Variants in HPS4 observed in about 807,000 individuals in gnomAD.
HPS4 encodes HPS4 biogenesis of lysosomal organelles complex 3 subunit 2, also known as BLOC-3 complex member HPS4.
HPS4 carries 44 observed loss-of-function variants against 70.3 expected under a neutral mutation model. The ratio of observed to expected loss-of-function variants is 0.63; its 90% CI spans 0.49 to 0.80. The LOEUF (loss-of-function observed/expected upper bound fraction) is 0.80, where lower values mean the gene tolerates loss of function less well. Ranked by LOEUF, HPS4 falls within the 30% of genes least tolerant of loss-of-function variation. The probability of loss-of-function intolerance (pLI) is 0.00; values close to 1 mark genes in which losing one functional copy is unlikely to be tolerated. For synonymous variants in HPS4, 377 were observed against 355.9 expected (o/e 1.06, Z -0.67); for missense variants, 873 against 884.4 (o/e 0.99, Z 0.16).
At chr22:26,462,743 G>A (rs969107857) in intron 11 of HPS4, among the ~76,000 whole-genome samples, 5 of 152,156 alleles carry the variant, frequency 3.3e-5, no homozygotes, top group Non-Finnish European at 7.3e-5. Context: ...GGGAGATGAG[G>A]CATTTAACAC....
chr22:26,451,174 A>T lies in HPS4; in HGVS notation c.*2059T>A, dbSNP rs2085157973. On this transcript the variant is annotated 3_prime_UTR_variant, in exon 14 of 14. Transcript: ENST00000398145. ...ATGGCCATAAGAGGTTGTGGTGCCC[A>T]TTCCAGCAAGAACATGCTGCTTGGC... 6.6e-6 allele frequency among the ~76,000 whole-genome samples: 1 copy of T among 152,190 alleles called. No homozygotes were observed. The highest frequency in any genetic ancestry group is 1.5e-5 in the Non-Finnish European group (1 of 68,042).
chr22:26,458,628 T>G (rs2146382185), intron 11 of HPS4, 51 bp from the exon 12 acceptor site: 2 of 1,608,282 alleles, frequency 1.2e-6, no homozygotes, highest in South Asian at 2.2e-5. Flanking sequence ...TCAGCAAGCC[T>G]TCTGAGGGCT....
intron 3 of HPS4, 117 bp from the exon 4 acceptor site, chr22:26,477,253 G>T: frequency 9.9e-7 from 1 of 1,014,772 alleles, no homozygotes; most frequent in Non-Finnish European, 1.5e-6. Flanking sequence ...TTTTCCTATG[G>T]CCTGTAAGCT....
rs943975254 is a variant in HPS4 at position 26,452,360 on chromosome 22, G to C, written c.*873C>G. On this transcript the variant is annotated 3_prime_UTR_variant, in exon 14 of 14. Transcript: ENST00000398145. ...AGGTTCTAAGTACCACACAAGCCCA[G>C]GAACACACAGCTGAGTGTCGCTCCC... 8 of 456,562 alleles carry C rather than the reference G, an allele frequency of 1.8e-5. No homozygotes were observed. Among genetic ancestry groups the C allele is most frequent in the Admixed American group, 9.4e-5 (4 of 42,508 alleles). The allele number at this position is 456,562 out of a possible 1,614,324, so 28.3% of individuals were successfully genotyped here.
downstream of HPS4, among the ~76,000 whole-genome samples, chr22:26,446,148 C>T (rs113465450): frequency 8.4e-3 from 1,285 of 152,324 alleles, 8 homozygotes; most frequent in Middle Eastern, 0.017. Context: ...GGGAGCCAGC[C>T]GGCTGCAAAT....
intron 3 of HPS4, among the ~76,000 whole-genome samples, chr22:26,478,531 A>C (rs966777908): frequency 7.0e-6 from 1 of 142,808 alleles, no homozygotes; most frequent in African/African-American, 2.6e-5. Context: ...AGATCATGCC[A>C]CTGCACTCCA....
chr22:26,478,693 A>T (rs910560663), intron 3 of HPS4, among the ~76,000 whole-genome samples: 64 of 150,660 alleles, frequency 4.2e-4, no homozygotes, highest in African/African-American at 6.8e-4. Flanking sequence ...TTATTTATTT[A>T]TTTTTTTTGA....
At chr22:26,483,837 G>C, upstream of HPS4, 2 of 1,290,940 alleles carry the variant, frequency 1.5e-6, no homozygotes, top group Non-Finnish European at 2.0e-6. Context: ...CTGGCAAGCC[G>C]GCGCGCGGCG....
rs994429401 is a variant in HPS4, at chr22:26,451,413, G to A, written c.*1820C>T. 3.9e-5 allele frequency: 6 copies of A among 152,222 alleles called. No homozygotes were observed. The highest frequency in any genetic ancestry group is 7.2e-5 in the African/African-American group (3 of 41,450). 9.4% of individuals were successfully genotyped at this position (152,222 alleles called of 1,614,324 possible). ...GCAGCTGCCAGTGCCCTGGGGCTCT[G>A]AGCAGAACCTCCACTGCAGAAACTA... On this transcript the variant is annotated 3_prime_UTR_variant, in exon 14 of 14. Coordinates refer to ENST00000398145, the MANE Select transcript of HPS4 (RefSeq NM_022081.6).
downstream of HPS4, among the ~76,000 whole-genome samples, chr22:26,446,729 T>C (rs2084966036): frequency 6.6e-6 from 1 of 152,068 alleles, no homozygotes; most frequent in Non-Finnish European, 1.5e-5. Flanking sequence ...AGTCACTGTT[T>C]TTTGTTATCT....
In HPS4 at chr22:26,472,374, G is replaced by A. The variant is rs151105857; in HGVS notation, c.429C>T (p.Ile143=). ...EELSTEWDTF[I]EQILKNTSDL... is the part of the protein sequence containing the mutation. Reference sequence around the variant, plus strand: ...CACTGGTGTTTTTCAGAATTTGCTCGATGAAGGTGTCCCACTCCGTGCTCA... The same window carrying A: ...CACTGGTGTTTTTCAGAATTTGCTCAATGAAGGTGTCCCACTCCGTGCTCA... The change falls in exon 6 of 14, where the codon ATC becomes ATT. Residue 143 remains isoleucine (I), a synonymous_variant. Transcript: ENST00000398145. 31 of 1,613,702 alleles carry A rather than the reference G, an allele frequency of 1.9e-5. 1 individual carries two copies. Among genetic ancestry groups the A allele is most frequent in the African/African-American group, 6.7e-5 (5 of 74,922 alleles).
At chr22:26,468,841 G>A (rs527770527) in intron 7 of HPS4, among the ~76,000 whole-genome samples, 93 of 152,180 alleles carry the variant, frequency 6.1e-4, no homozygotes, top group African/African-American at 2.0e-3. Context: ...AGATGTATGC[G>A]TAAGAATATT....
At position 26,452,138 on chromosome 22, in the gene HPS4, G is replaced by A. The variant is rs1465430612; in HGVS notation, c.*1095C>T. On this transcript the variant is annotated 3_prime_UTR_variant, in exon 14 of 14. Coordinates refer to ENST00000398145, the MANE Select transcript of HPS4 (RefSeq NM_022081.6). ...GCTATTTTATTTCTAGCCCTTGGAA[G>A]CTTGTTTCAAGAAAAAGACACCATA... The A allele has an allele frequency of 3.0e-6, 1 of 337,542 alleles. No individual in the cohort carries two copies. Among genetic ancestry groups the A allele is most frequent in the Non-Finnish European group, 5.8e-6 (1 of 171,294 alleles). 20.9% of individuals were successfully genotyped at this position (337,542 alleles called of 1,614,324 possible).
chr22:26,452,724 G>T lies in HPS4; in HGVS notation c.*509C>A. On this transcript the variant is annotated 3_prime_UTR_variant, in exon 14 of 14. Coordinates refer to ENST00000398145, the MANE Select transcript of HPS4 (RefSeq NM_022081.6). The stretch of plus-strand genomic sequence containing the variant: ...CTGCAGGAACGATCCGGACCTCCCA[G>T]CAAGAGCGCACTGGAGAAACCTACC... 4.0e-6 allele frequency: 1 copy of T among 250,890 alleles called. No individual in the cohort carries two copies. Among genetic ancestry groups the T allele is most frequent in the Non-Finnish European group, 7.9e-6 (1 of 126,956 alleles). 15.5% of individuals were successfully genotyped at this position (250,890 alleles called of 1,614,324 possible). A position where few individuals can be genotyped will look rare whatever the true frequency, so the allele number is the denominator to read the frequency against.
chr22:26,470,631 G>A, intron 7 of HPS4, 88 bp downstream of exon 7: 1 of 1,314,952 alleles, frequency 7.6e-7, no homozygotes, highest in Non-Finnish European at 1.1e-6. Flanking sequence ...GCCAGAGACT[G>A]GGCTCCCCAC....
At chr22:26,480,583 A>G (rs1349442676) in intron 2 of HPS4, among the ~76,000 whole-genome samples, 2 of 152,118 alleles carry the variant, frequency 1.3e-5, no homozygotes, top group African/African-American at 4.8e-5. Context: ...CCCTCTCTGA[A>G]GCCTCCCTCC....
intron 11 of HPS4, among the ~76,000 whole-genome samples, chr22:26,459,452 T>C (rs1039530426): frequency 1.1e-4 from 16 of 152,238 alleles, no homozygotes; most frequent in African/African-American, 3.9e-4. Flanking sequence ...CAACACAGCA[T>C]GAACTGCTTT....
intron 8 of HPS4, 91 bp downstream of exon 8, chr22:26,468,460 A>G: frequency 8.9e-7 from 1 of 1,121,328 alleles, no homozygotes; most frequent in Non-Finnish European, 1.3e-6. Flanking sequence ...CAACTGCTCC[A>G]CGGCCTCTGC....
intron 3 of HPS4, among the ~76,000 whole-genome samples, 165 bp from the exon 4 acceptor site, chr22:26,477,301 G>A (rs1234333469): frequency 6.6e-6 from 1 of 152,168 alleles, no homozygotes; most frequent in East Asian, 1.9e-4. Flanking sequence ...TTACAACAAA[G>A]AAGAACATGT....
Sources: allele counts gnomAD v4.1 joint callset (sites outside exome capture counted in the v4.1 genomes callset), GRCh38; gene constraint gnomAD v4.1.1; transcripts MANE v1.5; gene names NCBI Gene and HGNC (gene_info 2026-07-23, HGNC 2026-07-21).